The following CCDC39 variants were observed in gnomAD, a reference collection of about 807,000 sequenced individuals.
CCDC39 encodes coiled-coil domain 39 molecular ruler complex subunit, also known as coiled-coil domain-containing protein 39.
A neutral mutation model predicts 121.0 loss-of-function variants in CCDC39; 113 were observed. The observed-to-expected ratio is 0.93, with a 90% CI of 0.80 to 1.09. CCDC39 has a LOEUF of 1.09. Ranked by LOEUF, CCDC39 falls within the 50% of genes least tolerant of loss-of-function variation. The pLI, the probability that CCDC39 is intolerant of heterozygous loss-of-function variation, is 0.00. For synonymous variants in CCDC39, 349 were observed against 352.2 expected, an observed-to-expected ratio of 0.99 and a Z score of 0.10; for missense variants, 1,063 against 1,074.7, an observed-to-expected ratio of 0.99 and a Z score of 0.15.
chr3:180,638,812 A>G (rs1305242927), intron 13 of CCDC39, among the ~76,000 whole-genome samples: 1 of 152,134 alleles, frequency 6.6e-6, no homozygotes, highest in Non-Finnish European at 1.5e-5. Context: ...TACCTTCCAA[A>G]TAAAGAAAAG....
chr3:180,614,385 G>C lies in CCDC39; in HGVS notation c.*536C>G. The C allele has an allele frequency of 6.7e-6, 1 of 148,960 alleles. No individual in the cohort carries two copies. Among genetic ancestry groups the C allele is most frequent in the East Asian group, 2.0e-4 (1 of 4,998 alleles). The allele number at this position is 148,960 out of a possible 1,614,324, so 9.2% of individuals were successfully genotyped here. Reference sequence around the variant, plus strand: ...TTACCGGTTTTTTTTTGGGGGGGTGGGGTGGGTAGGGGTTGATGCTATTTT... The same window carrying C: ...TTACCGGTTTTTTTTTGGGGGGGTGCGGTGGGTAGGGGTTGATGCTATTTT... On this transcript the variant is annotated 3_prime_UTR_variant, in exon 20 of 20. Transcript: ENST00000476379.
intron 14 of CCDC39, among the ~76,000 whole-genome samples, chr3:180,622,302 A>G (rs1282441268): frequency 6.6e-6 from 1 of 151,792 alleles, no homozygotes. Flanking sequence ...CCAATCTAAG[A>G]TTTTTTTTGG....
intron 16 of CCDC39, 48 bp from the exon 17 acceptor site, chr3:180,617,014 T>G: frequency 9.9e-7 from 1 of 1,013,722 alleles, no homozygotes; most frequent in South Asian, 1.9e-5. Context: ...GAAATTGACT[T>G]TTATAACTTG....
chr3:180,629,216 T>C (rs1413891057), intron 14 of CCDC39, among the ~76,000 whole-genome samples: 1 of 152,230 alleles, frequency 6.6e-6, no homozygotes, highest in Non-Finnish European at 1.5e-5. Context: ...TTTTATATTA[T>C]AGACATGTTG....
At chr3:180,668,993 A>G (rs1038885273) in intron 1 of CCDC39, among the ~76,000 whole-genome samples, 21 of 152,234 alleles carry the variant, frequency 1.4e-4, no homozygotes, top group African/African-American at 4.8e-4. Flanking sequence ...TCATACTTAT[A>G]TAATTACATA....
rs113107657 is a variant in CCDC39, at chr3:180,615,548, A to C, written c.2670-471T>G. 7.1e-3 allele frequency among the ~76,000 whole-genome samples: 1,081 copies of C among 152,200 alleles called. 24 individuals carry two copies. The highest frequency in any genetic ancestry group is 0.024 in the African/African-American group (988 of 41,538). On this transcript the variant is annotated intron_variant, in intron 19 of 19. Coordinates refer to ENST00000476379, the MANE Select transcript of CCDC39 (RefSeq NM_181426.2). ...TATAATTCTGAAAAAAGTTTTAAAT[A>C]TATATTTTATGAAAGTACAGGGATG...
chr3:180,666,101 A>G (rs1233542010), intron 1 of CCDC39, among the ~76,000 whole-genome samples: 1 of 152,178 alleles, frequency 6.6e-6, no homozygotes, highest in East Asian at 1.9e-4. Context: ...GAACCTCTAT[A>G]CAGATAAACA....
At chr3:180,621,665 T>G (rs953838420) in intron 14 of CCDC39, among the ~76,000 whole-genome samples, 3 of 152,022 alleles carry the variant, frequency 2.0e-5, no homozygotes, top group African/African-American at 7.2e-5. Flanking sequence ...GTGTACAGAT[T>G]TTTTTGTCAC....
chr3:180,648,529 T>G (rs114018253), intron 9 of CCDC39, among the ~76,000 whole-genome samples, 170 bp from the exon 10 acceptor site: 1,743 of 152,280 alleles, frequency 0.011, 41 homozygotes, highest in African/African-American at 0.04. Context: ...TTTCTTATGG[T>G]TTATTCTATT....
rs546887443 is a variant in CCDC39 at position 180,616,936 on chromosome 3, G to A, written c.2296C>T (p.His766Tyr). The A allele has an allele frequency of 6.8e-7, 1 of 1,468,990 alleles. No homozygotes were observed. Among genetic ancestry groups the A allele is most frequent in the African/African-American group, 1.4e-5 (1 of 70,960 alleles). The allele number at this position is 1,468,990 out of a possible 1,614,324, so 91.0% of individuals were successfully genotyped here. The change falls in exon 17 of 20, where the codon CAT becomes TAT. Residue 766 changes from histidine (H) to tyrosine (Y), a missense_variant. Coordinates refer to ENST00000476379, the MANE Select transcript of CCDC39 (RefSeq NM_181426.2). ...TTTTCTTTAACATTATTTGCCAAATGTTCTATAACATCTAATGTATTTTCC... is the reference window on the plus strand; with the variant it reads ...TTTTCTTTAACATTATTTGCCAAATATTCTATAACATCTAATGTATTTTCC... ...SMENTLDVIE[H>Y]LANNVKEKLS...
At chr3:180,645,129 G>A (rs1718041353) in intron 11 of CCDC39, among the ~76,000 whole-genome samples, 2 of 152,036 alleles carry the variant, frequency 1.3e-5, no homozygotes, top group South Asian at 4.2e-4. Flanking sequence ...TGGAGATGAG[G>A]ACAGTTTCTA....
chr3:180,653,261 C>T (rs1381784892), intron 7 of CCDC39, among the ~76,000 whole-genome samples: 2 of 152,162 alleles, frequency 1.3e-5, no homozygotes, highest in Admixed American at 1.3e-4. Context: ...CAACCTTGTA[C>T]AAAACCCTTC....
chr3:180,621,278 A>T (rs1163381779), intron 14 of CCDC39, among the ~76,000 whole-genome samples: 1 of 151,300 alleles, frequency 6.6e-6, no homozygotes, highest in Non-Finnish European at 1.5e-5. Context: ...TTGTGTAGAT[A>T]CCAGGTAGTA....
At chr3:180,644,081 T>C in intron 12 of CCDC39, 39 bp downstream of exon 12, 1 of 1,439,260 alleles carries the variant, frequency 6.9e-7, no homozygotes, top group African/African-American at 1.4e-5. Context: ...CATGGAAACA[T>C]GGTTTTCAAT....
At chr3:180,615,549 T>C (rs1300434073) in intron 19 of CCDC39, among the ~76,000 whole-genome samples, 1 of 152,142 alleles carries the variant, frequency 6.6e-6, no homozygotes, top group African/African-American at 2.4e-5. Context: ...GTTTTAAATA[T>C]ATATTTTATG....
intron 6 of CCDC39, among the ~76,000 whole-genome samples, chr3:180,657,306 C>G (rs1189103305): frequency 6.6e-6 from 1 of 152,094 alleles, no homozygotes; most frequent in Non-Finnish European, 1.5e-5. Flanking sequence ...CAGGAGATGT[C>G]AACATGTAAG....
intron 13 of CCDC39, among the ~76,000 whole-genome samples, chr3:180,641,572 A>T (rs2108418604): frequency 6.6e-6 from 1 of 152,292 alleles, no homozygotes; most frequent in South Asian, 2.1e-4. Flanking sequence ...ATATACAGAA[A>T]TTAACTGCAT....
intron 14 of CCDC39, among the ~76,000 whole-genome samples, 194 bp downstream of exon 14, chr3:180,631,275 T>C (rs1387406011): frequency 6.6e-6 from 1 of 152,250 alleles, no homozygotes; most frequent in Non-Finnish European, 1.5e-5. Context: ...CTGCTTTCAG[T>C]ATCTCCATTT....
chr3:180,640,341 G>A (rs1028783347), intron 13 of CCDC39, among the ~76,000 whole-genome samples: 8 of 151,804 alleles, frequency 5.3e-5, no homozygotes, highest in Non-Finnish European at 1.0e-4. Flanking sequence ...ATACTTAGAG[G>A]GTTTTTTTTA....
Sources: gnomAD v4.1 joint callset for allele counts (sites outside exome capture counted in the v4.1 genomes callset) on GRCh38, gnomAD v4.1.1 for gene constraint, MANE v1.5 for transcripts, NCBI Gene and HGNC (gene_info 2026-07-23, HGNC 2026-07-21) for gene names.